Variants in FBXO11 observed in about 807,000 individuals in gnomAD.
FBXO11 encodes the protein F-box only protein 11.
In FBXO11, 13 loss-of-function variants were observed where a neutral mutation model predicts 117.0. That is an observed-to-expected ratio of 0.11 (90% confidence interval 0.07 to 0.18). The LOEUF (loss-of-function observed/expected upper bound fraction) is 0.18, where lower values mean the gene tolerates loss of function less well. Ranked by LOEUF, FBXO11 falls within the 10% of genes least tolerant of loss-of-function variation. The pLI, the probability that FBXO11 is intolerant of heterozygous loss-of-function variation, is 1.00. For missense variants in FBXO11, 767 were observed against 1,164.4 expected, an observed-to-expected ratio of 0.66 and a Z score of 4.97; for synonymous variants, 490 against 380.5, an observed-to-expected ratio of 1.29 and a Z score of -3.35.
At chr2:47,846,006 C>A (rs1198915108) in intron 1 of FBXO11, among the ~76,000 whole-genome samples, 2 of 151,986 alleles carry the variant, frequency 1.3e-5, no homozygotes, top group Admixed American at 1.3e-4. Flanking sequence ...AGAAGTATTC[C>A]CCCAAAACAG....
intron 1 of FBXO11, among the ~76,000 whole-genome samples, chr2:47,842,674 A>G (rs1185300997): frequency 6.6e-6 from 1 of 152,026 alleles, no homozygotes; most frequent in Non-Finnish European, 1.5e-5. Context: ...GCCTGGGCTC[A>G]TATGCAGAGT....
chr2:47,901,071 A>G (rs1485042909), intron 1 of FBXO11, among the ~76,000 whole-genome samples: 216 of 131,498 alleles, frequency 1.6e-3, no homozygotes, highest in African/African-American at 3.8e-3. Context: ...ATGTATATAT[A>G]TACACACGTG....
At chr2:47,904,581 AACACACACACACACAC>A (rs112758707) in intron 1 of FBXO11, among the ~76,000 whole-genome samples, 14,295 of 147,650 alleles carry the variant, frequency 0.097, 909 homozygotes, top group Non-Finnish European at 0.15. Flanking sequence ...CGCGCGCGCA[AACACACACACACACAC>A]ACACACACAC....
At chr2:47,838,099 GAC>G (rs1672729787) in intron 4 of FBXO11, among the ~76,000 whole-genome samples, 1 of 150,146 alleles carries the variant, frequency 6.7e-6, no homozygotes, top group Non-Finnish European at 1.5e-5. Context: ...TGGGCATGGT[GAC>G]ACATGCCTGT....
At chr2:47,857,700 C>G (rs1285599213) in intron 1 of FBXO11, among the ~76,000 whole-genome samples, 1 of 152,110 alleles carries the variant, frequency 6.6e-6, no homozygotes, top group African/African-American at 2.4e-5. Flanking sequence ...AAAGCTAACT[C>G]AGGAGCTTTG....
chr2:47,860,606 T>C (rs1674686760), intron 1 of FBXO11, among the ~76,000 whole-genome samples: 1 of 151,592 alleles, frequency 6.6e-6, no homozygotes, highest in African/African-American at 2.4e-5. Context: ...AGGGTTTCAC[T>C]GTGTTGCCCA....
At chr2:47,853,850 A>T (rs887811764) in intron 1 of FBXO11, among the ~76,000 whole-genome samples, 4 of 152,362 alleles carry the variant, frequency 2.6e-5, no homozygotes, top group South Asian at 4.1e-4. Flanking sequence ...GCTTAAAAAA[A>T]GTTATCCAAT....
chr2:47,887,937 G>C (rs1257027201), intron 1 of FBXO11, among the ~76,000 whole-genome samples: 1 of 152,078 alleles, frequency 6.6e-6, no homozygotes, highest in African/African-American at 2.4e-5. Context: ...ATGATCTCTT[G>C]AGCCTAGCAG....
intron 1 of FBXO11, among the ~76,000 whole-genome samples, chr2:47,844,203 A>T (rs1207021711): frequency 6.6e-6 from 1 of 152,030 alleles, no homozygotes; most frequent in Non-Finnish European, 1.5e-5. Context: ...TTTCTTTTTC[A>T]CACTGATCTA....
intron 1 of FBXO11, among the ~76,000 whole-genome samples, chr2:47,871,486 C>A (rs1241928993): frequency 6.6e-6 from 1 of 152,146 alleles, no homozygotes; most frequent in African/African-American, 2.4e-5. Context: ...CAACTAAATG[C>A]ATTCATTCAG....
chr2:47,887,381 G>A (rs532733814), intron 1 of FBXO11, among the ~76,000 whole-genome samples: 47 of 150,566 alleles, frequency 3.1e-4, no homozygotes, highest in African/African-American at 1.1e-3. Context: ...GAACAGTTAA[G>A]AGCTACCTCT....
intron 1 of FBXO11, among the ~76,000 whole-genome samples, chr2:47,885,400 C>G (rs1385943829): frequency 2.6e-5 from 4 of 152,148 alleles, no homozygotes; most frequent in Non-Finnish European, 5.9e-5. Context: ...CGAGACCAGT[C>G]TGGCCAACAT....
At chr2:47,846,875 G>T (rs1490952893) in intron 1 of FBXO11, among the ~76,000 whole-genome samples, 1 of 152,114 alleles carries the variant, frequency 6.6e-6, no homozygotes, top group Non-Finnish European at 1.5e-5. Context: ...GTGCTCAAAA[G>T]CCACATGCAG....
At chr2:47,865,276 T>C (rs1400524156) in intron 1 of FBXO11, among the ~76,000 whole-genome samples, 2 of 152,216 alleles carry the variant, frequency 1.3e-5, no homozygotes, top group Admixed American at 1.3e-4. Flanking sequence ...AGCTCACATT[T>C]CTCAGCTGCT....
At chr2:47,836,649 G>C (rs977135558) in intron 4 of FBXO11, among the ~76,000 whole-genome samples, 2 of 151,786 alleles carry the variant, frequency 1.3e-5, no homozygotes, top group Non-Finnish European at 2.9e-5. Context: ...TTTTCACAAT[G>C]TAACTGCGTA....
chr2:47,902,603 G>A (rs1340190877), intron 1 of FBXO11, among the ~76,000 whole-genome samples: 1 of 151,966 alleles, frequency 6.6e-6, no homozygotes, highest in Admixed American at 6.6e-5. Context: ...ACGTGTGTAT[G>A]TAAATATATT....
intron 1 of FBXO11, among the ~76,000 whole-genome samples, chr2:47,877,146 C>G (rs1214205978): frequency 1.3e-5 from 2 of 152,094 alleles, no homozygotes; most frequent in East Asian, 3.9e-4. Flanking sequence ...CCCACCTCAG[C>G]CTCCTCAGTA....
intron 11 of FBXO11, among the ~76,000 whole-genome samples, chr2:47,831,841 T>C (rs984711272): frequency 1.3e-5 from 2 of 152,250 alleles, no homozygotes; most frequent in Non-Finnish European, 2.9e-5. Context: ...TTTATCAATG[T>C]ATCTCCTATT....
intron 1 of FBXO11, among the ~76,000 whole-genome samples, chr2:47,856,706 G>C (rs1674322729): frequency 6.6e-6 from 1 of 152,214 alleles, no homozygotes; most frequent in Non-Finnish European, 1.5e-5. Context: ...TTCGTAAGGT[G>C]AACATTTACT....
Sources: allele counts gnomAD v4.1 joint callset (sites outside exome capture counted in the v4.1 genomes callset), GRCh38; gene constraint gnomAD v4.1.1; transcripts MANE v1.5; gene names NCBI Gene and HGNC (gene_info 2026-07-23, HGNC 2026-07-21).